Variants in MGAT5 observed in about 807,000 individuals in gnomAD.
MGAT5 encodes the protein alpha-1,6-mannosylglycoprotein 6-beta-N-acetylglucosaminyltransferase.
Under a neutral mutation model 94.3 loss-of-function variants are expected in MGAT5, and 30 were observed. The observed-to-expected ratio is 0.32, with a 90% CI of 0.24 to 0.43. The LOEUF is 0.43. Ranked by LOEUF, MGAT5 falls within the 20% of genes least tolerant of loss-of-function variation. The probability of loss-of-function intolerance (pLI) is 1.00; values close to 1 mark genes in which losing one functional copy is unlikely to be tolerated. For missense variants in MGAT5, 691 were observed against 905.5 expected (o/e 0.76, Z 3.04); for synonymous variants, 310 against 322.9 (o/e 0.96, Z 0.43).
Position 134,349,873 on chromosome 2 carries a change from C to T in MGAT5, c.1181C>T (p.Ser394Leu), listed in dbSNP as rs376303600. The change falls in exon 9 of 16, where the codon TCG becomes TTG. Residue 394 changes from serine (S) to leucine (L), a missense_variant. By Grantham distance (145) the Ser-to-Leu change is moderately radical (BLOSUM62 -2). Coordinates refer to ENST00000281923, the MANE Select transcript of MGAT5 (RefSeq NM_002410.5). Reference protein sequence around the residue: ...PEFNHANYAQSKGHKTPWGKW... With the variant: ...PEFNHANYAQLKGHKTPWGKW... ...TTTAATCATGCAAATTATGCCCAATCGAAAGGCCACAAGACCCCTTGGGGA... is the reference window on the plus strand; with the variant it reads ...TTTAATCATGCAAATTATGCCCAATTGAAAGGCCACAAGACCCCTTGGGGA... 16 of 1,613,614 alleles carry T rather than the reference C, an allele frequency of 9.9e-6. No individual in the cohort carries two copies. Among genetic ancestry groups the T allele is most frequent in the Non-Finnish European group, 1.4e-5 (16 of 1,179,692 alleles).
At chr2:134,224,550 A>C (rs1680956142) in intron 1 of MGAT5, among the ~76,000 whole-genome samples, 1 of 152,178 alleles carries the variant, frequency 6.6e-6, no homozygotes, top group Admixed American at 6.5e-5. Context: ...GAGAGATTTG[A>C]AATGATAATG....
chr2:134,333,355 G>T (rs183618978), intron 4 of MGAT5, among the ~76,000 whole-genome samples: 1 of 145,560 alleles, frequency 6.9e-6, no homozygotes, highest in Non-Finnish European at 1.5e-5. Flanking sequence ...AACACCGCAT[G>T]TTCTCACTCA....
intron 1 of MGAT5, among the ~76,000 whole-genome samples, chr2:134,231,014 T>C (rs80318101): frequency 6.6e-6 from 1 of 152,184 alleles, no homozygotes; most frequent in Non-Finnish European, 1.5e-5. Context: ...AAGAAAGCTG[T>C]CAAAGAACAC....
intron 1 of MGAT5, among the ~76,000 whole-genome samples, chr2:134,159,534 T>C (rs750504202): frequency 6.6e-6 from 1 of 152,302 alleles, no homozygotes; most frequent in East Asian, 1.9e-4. Flanking sequence ...GATCTAATTT[T>C]ACTATCTTCA....
intron 1 of MGAT5, among the ~76,000 whole-genome samples, chr2:134,166,672 C>A (rs926262700): frequency 1.3e-5 from 2 of 152,298 alleles, no homozygotes; most frequent in South Asian, 2.1e-4. Flanking sequence ...AAATTAACTT[C>A]TCTGAATTAA....
intron 10 of MGAT5, among the ~76,000 whole-genome samples, chr2:134,387,788 C>G (rs1420311077): frequency 1.3e-5 from 2 of 152,114 alleles, no homozygotes; most frequent in East Asian, 3.9e-4. Flanking sequence ...GAGAAAGCTG[C>G]CCATTTATAG....
At chr2:134,382,373 T>A (rs1372022346) in intron 10 of MGAT5, among the ~76,000 whole-genome samples, 1 of 152,198 alleles carries the variant, frequency 6.6e-6, no homozygotes, top group African/African-American at 2.4e-5. Context: ...AAAACTGCTG[T>A]TCTGGAGACT....
intron 1 of MGAT5, among the ~76,000 whole-genome samples, chr2:134,135,828 C>G (rs1477518809): frequency 6.6e-6 from 1 of 152,100 alleles, no homozygotes; most frequent in African/African-American, 2.4e-5. Flanking sequence ...AACCTCCACC[C>G]TCCCATGCAT....
intron 1 of MGAT5, among the ~76,000 whole-genome samples, chr2:134,165,271 T>C (rs1162726149): frequency 6.6e-5 from 10 of 152,198 alleles, no homozygotes; most frequent in Admixed American, 6.5e-4. Flanking sequence ...AGAGCTAGGA[T>C]GTAAGTCCTA....
At chr2:134,168,491 A>G (rs1430640053) in intron 1 of MGAT5, among the ~76,000 whole-genome samples, 2 of 152,212 alleles carry the variant, frequency 1.3e-5, no homozygotes. Context: ...GTTACCATTT[A>G]ATATGTTCTG....
At chr2:134,312,424 C>T (rs1313235488) in intron 2 of MGAT5, among the ~76,000 whole-genome samples, 1 of 152,166 alleles carries the variant, frequency 6.6e-6, no homozygotes, top group African/African-American at 2.4e-5. Context: ...GTGGCATGTG[C>T]AGTCCAGAAC....
At chr2:134,235,119 G>C (rs933457529) in intron 1 of MGAT5, among the ~76,000 whole-genome samples, 1 of 152,092 alleles carries the variant, frequency 6.6e-6, no homozygotes, top group African/African-American at 2.4e-5. Flanking sequence ...AAGTTGTCTG[G>C]TGGTTAGAGC....
chr2:134,131,249 C>T (rs1686148406), intron 1 of MGAT5, among the ~76,000 whole-genome samples: 1 of 152,186 alleles, frequency 6.6e-6, no homozygotes, highest in Non-Finnish European at 1.5e-5. Flanking sequence ...AACCGTCACA[C>T]TCACCGCGAG....
chr2:134,147,616 G>T (rs200420852), intron 1 of MGAT5, among the ~76,000 whole-genome samples: 1 of 148,154 alleles, frequency 6.7e-6, no homozygotes, highest in Non-Finnish European at 1.5e-5. Context: ...AAAAAGAAAA[G>T]AAAAAAAAGG....
intron 2 of MGAT5, among the ~76,000 whole-genome samples, chr2:134,288,706 A>C (rs1166921114): frequency 2.0e-5 from 3 of 152,108 alleles, no homozygotes; most frequent in African/African-American, 7.2e-5. Context: ...CCTTCAAATG[A>C]TGTATGTGAG....
intron 1 of MGAT5, among the ~76,000 whole-genome samples, chr2:134,197,069 G>C (rs1679528430): frequency 6.6e-6 from 1 of 152,174 alleles, no homozygotes; most frequent in African/African-American, 2.4e-5. Context: ...AGTTTTTACT[G>C]TGCCAGGTAC....
In MGAT5 at chr2:134,406,519, G is replaced by A. The variant is rs181065183; in HGVS notation, c.1530+3382G>A. On this transcript the variant is annotated intron_variant, in intron 11 of 15. Transcript: ENST00000281923. ...TCCCTCTGACTCATCTTATCCTCAT[G>A]ACTGACTGTGCCACCCTGCCCCCCA... 2.2e-4 allele frequency among the ~76,000 whole-genome samples: 34 copies of A among 152,222 alleles called. No homozygotes were observed. The East Asian group carries it at 5.2e-3, about 23-fold the overall frequency.
intron 4 of MGAT5, among the ~76,000 whole-genome samples, chr2:134,320,717 T>C (rs1039257625): frequency 6.6e-6 from 1 of 152,208 alleles, no homozygotes; most frequent in African/African-American, 2.4e-5. Flanking sequence ...AAATAAAATA[T>C]TCTTGCCATA....
At chr2:134,161,363 T>C (rs1041280570) in intron 1 of MGAT5, among the ~76,000 whole-genome samples, 1 of 152,188 alleles carries the variant, frequency 6.6e-6, no homozygotes, top group African/African-American at 2.4e-5. Flanking sequence ...ATTTTTCAGC[T>C]TTGTGTTATC....
Sources: gnomAD v4.1 joint callset for allele counts (sites outside exome capture counted in the v4.1 genomes callset) on GRCh38, gnomAD v4.1.1 for gene constraint, MANE v1.5 for transcripts, NCBI Gene and HGNC (gene_info 2026-07-23, HGNC 2026-07-21) for gene names.